STKLD1: variants seen among roughly 807,000 people sequenced by gnomAD.
The protein encoded by STKLD1 is serine/threonine kinase like domain containing 1.
STKLD1 carries 79 observed loss-of-function variants against 80.4 expected under a neutral mutation model. The observed-to-expected ratio is 0.98, with a 90% confidence interval of 0.82 to 1.19. STKLD1 has a LOEUF of 1.19. Ranked by LOEUF, STKLD1 falls within the 50% of genes most tolerant of loss-of-function variation. The pLI is 0.00. For missense variants in STKLD1, 841 were observed against 856.0 expected (o/e 0.98, Z 0.22); for synonymous variants, 393 against 357.6 (o/e 1.10, Z -1.12).
rs1838215582 is a variant in STKLD1, at chr9:133,384,226, G to A, written c.219+326G>A. 3.7e-6 allele frequency: 1 copy of A among 273,972 alleles called. No homozygotes were observed. Among genetic ancestry groups the A allele is most frequent in the Non-Finnish European group, 7.1e-6 (1 of 140,622 alleles). 17.0% of individuals were successfully genotyped at this position (273,972 alleles called of 1,614,324 possible). ...GGCCGAGGCGGGTGGATCACTTGAG[G>A]TCAGGAGTTCAAGACCAGCCTAGCC... On this transcript the variant is annotated intron_variant, in intron 3 of 17. Coordinates refer to ENST00000371957, the MANE Select transcript of STKLD1 (RefSeq NM_153710.5). The surrounding 1 kb of genome is among the most constrained non-coding windows in gnomAD (Gnocchi z 4.3).
chr9:133,399,877 T>G lies in STKLD1; in HGVS notation c.1082-536T>G, dbSNP rs1322475335. On this transcript the variant is annotated intron_variant, in intron 11 of 17. Coordinates refer to ENST00000371957, the MANE Select transcript of STKLD1 (RefSeq NM_153710.5). Reference sequence around the variant, plus strand: ...CTAGGCGACAGAGTGAGACTCTGTTTCAAAAAAAAAAAAAAAAGAGGGGGG... The same window carrying G: ...CTAGGCGACAGAGTGAGACTCTGTTGCAAAAAAAAAAAAAAAAGAGGGGGG... 5.5e-5 allele frequency among the ~76,000 whole-genome samples: 3 copies of G among 54,898 alleles called. No homozygotes were observed. The East Asian group carries it at 1.2e-3, about 22-fold the overall frequency. The allele number at this position is 54,898 out of a possible 152,430, so 36.0% of individuals were successfully genotyped here. A position where few individuals can be genotyped will look rare whatever the true frequency, so the allele number is the denominator to read the frequency against.
At position 133,404,880 on chromosome 9, in the gene STKLD1, G is replaced by A. The variant is rs370479943; in HGVS notation, c.1824G>A (p.Pro608=). 290 of 1,613,166 alleles carry A rather than the reference G, an allele frequency of 1.8e-4. No individual in the cohort carries two copies. The highest frequency in any genetic ancestry group is 2.2e-4 in the Non-Finnish European group (258 of 1,179,748). The stretch of plus-strand genomic sequence containing the variant: ...CCTACCAGCTCCACAGGGACGACCC[G>A]GAGGTGGTGGAGAACGTGGGCATGC... ...KETYQLHRDD[P]EVVENVGMLL... Residue 608 remains proline, a synonymous_variant, in exon 17 of 18, where the codon CCG becomes CCA. Coordinates refer to ENST00000371957, the MANE Select transcript of STKLD1 (RefSeq NM_153710.5).
chr9:133,404,020 G>C lies in STKLD1; in HGVS notation c.1704G>C (p.Arg568=). Residue 568 remains arginine, a synonymous_variant, in exon 16 of 18, where the codon CGG becomes CGC. Coordinates refer to ENST00000371957, the MANE Select transcript of STKLD1 (RefSeq NM_153710.5). Reference sequence around the variant, plus strand: ...CCCTGCTGGTGAACAATGCCTACCGGGGACTGGCCAGCCTGGTGAAGGTGT... The same window carrying C: ...CCCTGCTGGTGAACAATGCCTACCGCGGACTGGCCAGCCTGGTGAAGGTGT... ...DRALLVNNAY[R]GLASLVKVSE... is the part of the protein sequence containing the mutation. 6.2e-7 allele frequency: 1 copy of C among 1,610,520 alleles called. No homozygotes were observed. The highest frequency in any genetic ancestry group is 8.5e-7 in the Non-Finnish European group (1 of 1,178,642).
intron 7 of STKLD1, among the ~76,000 whole-genome samples, chr9:133,392,703 GTGGA>G (rs1481072789): frequency 9.9e-6 from 1 of 100,952 alleles, no homozygotes; most frequent in East Asian, 2.8e-4. Context: ...GAGTGGATGA[GTGGA>G]TGGATGGATG....
intron 4 of STKLD1, among the ~76,000 whole-genome samples, chr9:133,386,877 G>A (rs979634037): frequency 3.9e-5 from 6 of 152,218 alleles, no homozygotes; most frequent in Admixed American, 1.3e-4. Context: ...TCCCGGGTCC[G>A]AGCAGGAAAG....
chr9:133,395,844 T>G, intron 9 of STKLD1, 81 bp downstream of exon 9: 1 of 1,451,778 alleles, frequency 6.9e-7, no homozygotes, highest in Non-Finnish European at 9.5e-7. Flanking sequence ...CACAGCTAGT[T>G]GGCTTTGTAA....
At chr9:133,396,353 C>G (rs944049296) in intron 9 of STKLD1, among the ~76,000 whole-genome samples, 3 of 151,826 alleles carry the variant, frequency 2.0e-5, no homozygotes, top group Non-Finnish European at 4.4e-5. Flanking sequence ...GAGGATCGCT[C>G]GAGCCCGGGA....
rs2130273167 is a variant in STKLD1, at chr9:133,384,794, A to G, written c.220-823A>G. The G allele has an allele frequency of 6.6e-6, 1 of 152,208 alleles. No individual in the cohort carries two copies. The highest frequency in any genetic ancestry group is 2.4e-5 in the African/African-American group (1 of 41,448). The allele number at this position is 152,208 out of a possible 1,614,324, so 9.4% of individuals were successfully genotyped here. A position where few individuals can be genotyped will look rare whatever the true frequency, so the allele number is the denominator to read the frequency against. ...CCCAGCAGTAACATACTCGTTTACAATAATAGCGATAACAGCTGCACTTCG... is the reference window on the plus strand; with the variant it reads ...CCCAGCAGTAACATACTCGTTTACAGTAATAGCGATAACAGCTGCACTTCG... On this transcript the variant is annotated intron_variant, in intron 3 of 17. Transcript: ENST00000371957. This position sits in a 1 kb window ranked among gnomAD's most constrained non-coding sequence, Gnocchi z 4.3.
At chr9:133,378,896 A>G (rs1253282487) in intron 1 of STKLD1, 140 bp from the exon 2 acceptor site, 6 of 673,926 alleles carry the variant, frequency 8.9e-6, no homozygotes, top group Non-Finnish European at 1.3e-5. Flanking sequence ...CATTTCCTCT[A>G]TTGCAAGATG....
Position 133,390,641 on chromosome 9 carries a change from C to T in STKLD1, c.468-40C>T, listed in dbSNP as rs2130286869. 1 of 1,536,026 alleles carries T rather than the reference C, an allele frequency of 6.5e-7. No homozygotes were observed. The highest frequency in any genetic ancestry group is 1.1e-5 in the South Asian group (1 of 89,180). On this transcript the variant is annotated intron_variant, in intron 6 of 17. Coordinates refer to ENST00000371957, the MANE Select transcript of STKLD1 (RefSeq NM_153710.5). This position sits in a 1 kb window ranked among gnomAD's most constrained non-coding sequence, Gnocchi z 5.1. Reference sequence around the variant, plus strand: ...TTGTGGGTGGTGGCTGCCCAGGTGGCCCCTTGGCATCCAGAGGCAAACCCA... The same window carrying T: ...TTGTGGGTGGTGGCTGCCCAGGTGGTCCCTTGGCATCCAGAGGCAAACCCA...
chr9:133,376,537 G>T lies in STKLD1; in HGVS notation c.64G>T (p.Gly22Ter). Residue 22 changes from glycine to a stop codon, truncating the protein, a stop_gained, in exon 1 of 18, where the codon GGA becomes TGA. Transcript: ENST00000371957. LOFTEE classifies it high-confidence loss of function. ...TQGERGPGSP[G>*]EPMEKYQVLY... ...GGGGGAGCGAGGCCCAGGGTCCCCC[G>T]GAGAGCCCATGGAGAAGTACCAGGT... 1 of 1,600,118 alleles carries T rather than the reference G, an allele frequency of 6.2e-7. No individual in the cohort carries two copies. Among genetic ancestry groups the T allele is most frequent in the Non-Finnish European group, 8.5e-7 (1 of 1,175,132 alleles).
At chr9:133,395,461 A>T in intron 8 of STKLD1, 139 bp from the exon 9 acceptor site, 1 of 853,250 alleles carries the variant, frequency 1.2e-6, no homozygotes, top group Non-Finnish European at 1.7e-6. Flanking sequence ...GTCTCTGGGC[A>T]TTCTTGTAGA....
Position 133,405,286 on chromosome 9 carries a change from G to C in STKLD1, c.1908G>C (p.Met636Ile). Residue 636 changes from methionine (M) to isoleucine (I), a missense_variant, in exon 18 of 18, where the codon ATG (methionine) becomes ATC (isoleucine). Met to Ile is a conservative substitution (Grantham distance 10, BLOSUM62 1). Transcript: ENST00000371957. The stretch of plus-strand genomic sequence containing the variant: ...TGCCGGAGCTGGTGTCCAGTAGTAT[G>C]AAGGCCCTGCTCCAGGAGATCAAGG... ...EILPELVSSS[M>I]KALLQEIKER... 1 of 1,612,596 alleles carries C rather than the reference G, an allele frequency of 6.2e-7. No individual in the cohort carries two copies. Among genetic ancestry groups the C allele is most frequent in the Admixed American group, 1.7e-5 (1 of 59,944 alleles).
In STKLD1 at chr9:133,405,243, C is replaced by CA. The variant is rs1377444391; in HGVS notation, c.1874-8dup. 1 of 1,591,624 alleles carries CA rather than the reference C, an allele frequency of 6.3e-7. No individual in the cohort carries two copies. The highest frequency in any genetic ancestry group is 8.6e-7 in the Non-Finnish European group (1 of 1,168,100). On this transcript the variant is annotated splice_polypyrimidine_tract_variant and intron_variant, in intron 17 of 17. Transcript: ENST00000371957. ...CTCTGGCCTCAGGACCTTCCTGCTC[C>CA]ACCTGCAGAGGAGATCCTGCCGGAG...
intron 11 of STKLD1, among the ~76,000 whole-genome samples, chr9:133,399,134 G>A (rs781914735): frequency 3.9e-5 from 6 of 152,216 alleles, no homozygotes; most frequent in Admixed American, 1.3e-4. Context: ...GATTACAGGC[G>A]TGAGACACCG....
intron 11 of STKLD1, among the ~76,000 whole-genome samples, chr9:133,399,528 A>C (rs1554777254): frequency 6.6e-6 from 1 of 152,182 alleles, no homozygotes; most frequent in African/African-American, 2.4e-5. Flanking sequence ...CCCATCCCAA[A>C]GGGTAGGTCT....
Position 133,390,194 on chromosome 9 carries a change from AACACACACACACACACACAC to A in STKLD1, c.468-448_468-429del, listed in dbSNP as rs71378573. Among the ~76,000 whole-genome samples, 683 of 123,474 alleles carry A rather than the reference AACACACACACACACACACAC, an allele frequency of 5.5e-3. 5 individuals are homozygous for A. The highest frequency in any genetic ancestry group is 0.014 in the African/African-American group (449 of 31,414). 81.0% of individuals were successfully genotyped at this position (123,474 alleles called of 152,430 possible). A position where few individuals can be genotyped will look rare whatever the true frequency, so the allele number is the denominator to read the frequency against. ...TTCAGCCTGGGCAACCCTGACTTAAAACACACACACACACACACACACACACACACACACACACACACACA... is the reference window on the plus strand; with the variant it reads ...TTCAGCCTGGGCAACCCTGACTTAAAACACACACACACACACACACACACA... On this transcript the variant is annotated intron_variant, in intron 6 of 17. Transcript: ENST00000371957. The surrounding 1 kb of genome is among the most constrained non-coding windows in gnomAD (Gnocchi z 5.1).
At position 133,397,850 on chromosome 9, in the gene STKLD1, T is replaced by G. The variant is rs80050299; in HGVS notation, c.998-122T>G. 9.3e-4 allele frequency: 688 copies of G among 741,550 alleles called. 2 individuals are homozygous for G. The African/African-American group carries it at 0.011, about 12-fold the overall frequency. The allele number at this position is 741,550 out of a possible 1,614,324, so 45.9% of individuals were successfully genotyped here. A position where few individuals can be genotyped will look rare whatever the true frequency, so the allele number is the denominator to read the frequency against. ...TGGTAACAGCCCCTCCCTCTCATCC[T>G]GAACCTGTGGATCTGAGGAGGGGAT... On this transcript the variant is annotated intron_variant, in intron 10 of 17. Coordinates refer to ENST00000371957, the MANE Select transcript of STKLD1 (RefSeq NM_153710.5).
intron 12 of STKLD1, 74 bp from the exon 13 acceptor site, chr9:133,401,641 AGTGGAGATGCTATCCCCCAGCCT>A: frequency 1.4e-6 from 2 of 1,420,774 alleles, no homozygotes; most frequent in East Asian, 5.0e-5. Context: ...CTTCATGCAA[AGTGGAGATGCTATCCCCCAGCCT>A]GTGAGCCTTG....
Sources: allele counts gnomAD v4.1 joint callset (sites outside exome capture counted in the v4.1 genomes callset), GRCh38; gene constraint gnomAD v4.1.1; non-coding constraint Gnocchi (gnomAD v3.1); transcripts MANE v1.5; gene names NCBI Gene and HGNC (gene_info 2026-07-23, HGNC 2026-07-21).